ASIP: variants seen among roughly 807,000 people sequenced by gnomAD.
ASIP encodes agouti-signaling protein.
ASIP carries 11 observed loss-of-function variants against 10.3 expected under a neutral mutation model. The ratio of observed to expected loss-of-function variants is 1.07; its 90% CI spans 0.68 to 1.78. The LOEUF (loss-of-function observed/expected upper bound fraction) is 1.78, where lower values mean the gene tolerates loss of function less well. Ranked by LOEUF, ASIP falls within the 40% of genes most tolerant of loss-of-function variation. ASIP has a pLI of 0.00. For synonymous variants in ASIP, 70 were observed against 70.8 expected, an observed-to-expected ratio of 0.99 and a Z score of 0.06; for missense variants, 180 against 169.2, an observed-to-expected ratio of 1.06 and a Z score of -0.35.
At chr20:34,241,344 T>G, upstream of ASIP, 9 of 568,832 alleles carry the variant, frequency 1.6e-5, no homozygotes, top group Non-Finnish European at 2.0e-5. Context: ...GCCTGTGAGA[T>G]GTGGTGAAGT....
intron 1 of ASIP, chr20:34,214,366 A>G (rs985747548): frequency 4.1e-5 from 54 of 1,323,440 alleles, no homozygotes; most frequent in African/African-American, 2.4e-4. Flanking sequence ...AAGAACTCCA[A>G]CGTCACAGAT....
intron 1 of ASIP, chr20:34,245,942 A>G: frequency 1.3e-6 from 2 of 1,531,772 alleles, no homozygotes; most frequent in Non-Finnish European, 8.9e-7. Context: ...AATACAGACA[A>G]ATTTTCAAAT....
intron 1 of ASIP, among the ~76,000 whole-genome samples, chr20:34,199,323 G>T (rs74814619): frequency 5.9e-5 from 9 of 152,060 alleles, no homozygotes; most frequent in African/African-American, 1.9e-4. Context: ...AAGAACATAT[G>T]AGTGCATTTC....
intron 3 of ASIP, 106 bp downstream of exon 3, chr20:34,262,999 G>A: frequency 7.6e-7 from 1 of 1,316,646 alleles, no homozygotes; most frequent in African/African-American, 1.5e-5. Context: ...GATTTTTCAG[G>A]CCTATATTAA....
intron 1 of ASIP, among the ~76,000 whole-genome samples, chr20:34,242,333 A>G (rs2035296764): frequency 6.6e-6 from 1 of 152,196 alleles, no homozygotes; most frequent in East Asian, 1.9e-4. Flanking sequence ...CCTGAGTTCA[A>G]ACGATTCTCC....
chr20:34,221,388 A>T lies in ASIP; in HGVS notation c.-11+26628A>T, dbSNP rs544405411. On this transcript the variant is annotated intron_variant, in intron 1 of 3. Transcript: ENST00000568305. ...GCGAGACTCTGTCTCAAAAAAAGAA[A>T]AAAAAAGAAAAAGAAAGGGAAACAA... 3.5e-4 allele frequency among the ~76,000 whole-genome samples: 54 copies of T among 152,232 alleles called. No homozygotes were observed. The South Asian group carries it at 0.01, about 29-fold the overall frequency.
At chr20:34,252,809 C>T (rs1308608080) in intron 1 of ASIP, among the ~76,000 whole-genome samples, 1 of 152,178 alleles carries the variant, frequency 6.6e-6, no homozygotes, top group African/African-American at 2.4e-5. Flanking sequence ...GGCAGAGGTC[C>T]CTGCGGACAT....
intron 3 of ASIP, among the ~76,000 whole-genome samples, chr20:34,268,642 G>A (rs1266742789): frequency 6.6e-6 from 1 of 151,980 alleles, no homozygotes; most frequent in Non-Finnish European, 1.5e-5. Flanking sequence ...AGGTTGAAGT[G>A]GCAGAATCGC....
intron 1 of ASIP, among the ~76,000 whole-genome samples, chr20:34,232,824 A>G (rs2035130929): frequency 6.6e-6 from 1 of 152,220 alleles, no homozygotes; most frequent in Non-Finnish European, 1.5e-5. Flanking sequence ...TTAATAGCAC[A>G]TGGACTGGTT....
intron 1 of ASIP, among the ~76,000 whole-genome samples, chr20:34,208,832 C>T (rs1214269820): frequency 6.6e-6 from 1 of 152,208 alleles, no homozygotes; most frequent in Non-Finnish European, 1.5e-5. Context: ...AGATCTTTCA[C>T]TTCTTTGGTC....
rs779405731 is a variant in ASIP, at chr20:34,248,741, A to G, written c.-11+7252A>G. ...CTTGAGCCCAGGAGGTCAAGGCTGCAGTGAGCTATGGTCTTGCCATTGCCT... is the reference window on the plus strand; with the variant it reads ...CTTGAGCCCAGGAGGTCAAGGCTGCGGTGAGCTATGGTCTTGCCATTGCCT... On this transcript the variant is annotated intron_variant, in intron 1 of 3. Transcript: ENST00000374954. Among the ~76,000 whole-genome samples the G allele has an allele frequency of 2.0e-4, 31 of 152,076 alleles. 1 individual carries two copies. The highest frequency in any genetic ancestry group is 2.9e-5 in the Non-Finnish European group (2 of 68,006).
chr20:34,256,041 A>C (rs777908533), intron 1 of ASIP, among the ~76,000 whole-genome samples: 1 of 152,246 alleles, frequency 6.6e-6, no homozygotes, highest in Non-Finnish European at 1.5e-5. Context: ...GTCCGCTTTC[A>C]TGTTCCACCC....
chr20:34,202,596 A>C (rs747348327), intron 1 of ASIP, among the ~76,000 whole-genome samples: 82 of 151,986 alleles, frequency 5.4e-4, no homozygotes, highest in Middle Eastern at 3.2e-3. Flanking sequence ...AAACACTATT[A>C]ATTTCCCACT....
At chr20:34,223,278 C>A (rs1858703787) in intron 1 of ASIP, among the ~76,000 whole-genome samples, 1 of 150,084 alleles carries the variant, frequency 6.7e-6, no homozygotes, top group African/African-American at 2.5e-5. Flanking sequence ...CTCTGCCCTG[C>A]CGCCCCGTCT....
chr20:34,267,785 C>T (rs1256911444), intron 3 of ASIP, among the ~76,000 whole-genome samples: 1 of 151,680 alleles, frequency 6.6e-6, no homozygotes, highest in East Asian at 1.9e-4. Context: ...CCTGCCTAGG[C>T]CTCCCAAAGT....
chr20:34,247,954 C>T (rs1252444707), intron 1 of ASIP, among the ~76,000 whole-genome samples: 2 of 152,108 alleles, frequency 1.3e-5, no homozygotes, highest in African/African-American at 4.8e-5. Flanking sequence ...GCGTGTAATC[C>T]CAGCACTTTG....
chr20:34,260,873 T>A (rs1239542980), intron 2 of ASIP, among the ~76,000 whole-genome samples: 1 of 152,300 alleles, frequency 6.6e-6, no homozygotes, highest in East Asian at 1.9e-4. Flanking sequence ...CCAGAACATA[T>A]GCAAGTCTGG....
intron 1 of ASIP, among the ~76,000 whole-genome samples, chr20:34,201,490 G>A (rs2034899584): frequency 6.6e-6 from 1 of 152,068 alleles, no homozygotes; most frequent in Non-Finnish European, 1.5e-5. Context: ...ACAAACAGGT[G>A]TAAAAAAATT....
intron 1 of ASIP, among the ~76,000 whole-genome samples, chr20:34,225,916 C>T (rs2035089689): frequency 6.7e-6 from 1 of 149,408 alleles, no homozygotes; most frequent in African/African-American, 2.5e-5. Context: ...TTTTTTGAAA[C>T]GGAGTCTTGC....
Sources: gnomAD v4.1 joint callset for allele counts (sites outside exome capture counted in the v4.1 genomes callset) on GRCh38, gnomAD v4.1.1 for gene constraint, MANE v1.5 for transcripts, NCBI Gene and HGNC (gene_info 2026-07-23, HGNC 2026-07-21) for gene names.